Variants in CLN3 observed in about 807,000 individuals in gnomAD.
CLN3 encodes the protein battenin.
Under a neutral mutation model 60.7 loss-of-function variants are expected in CLN3, and 49 were observed. That is an observed-to-expected ratio of 0.81 (90% confidence interval 0.64 to 1.02). The LOEUF is 1.02. Among genes scored for constraint, CLN3 ranks in the 50% least tolerant of loss-of-function variants. CLN3 has a pLI of 0.00. For missense variants in CLN3, 516 were observed against 557.4 expected (o/e 0.93, Z 0.75); for synonymous variants, 256 against 245.8 (o/e 1.04, Z -0.39).
rs1596618829 is a variant in CLN3, at chr16:28,477,354, GC to G, written c.*161del. On this transcript the variant is annotated 3_prime_UTR_variant, in exon 16 of 16. Coordinates refer to ENST00000636147, the MANE Select transcript of CLN3 (RefSeq NM_001042432.2). ...CTCCCCAAGTGGGAGACAATGGCTG[GC>G]CCCCCTGCAAGGGAAACAAGGCTTC... 12 of 878,606 alleles carry G rather than the reference GC, an allele frequency of 1.4e-5. No homozygotes were observed. The highest frequency in any genetic ancestry group is 3.4e-4 in the Middle Eastern group (1 of 2,974). The allele number at this position is 878,606 out of a possible 1,614,324, so 54.4% of individuals were successfully genotyped here. A position where few individuals can be genotyped will look rare whatever the true frequency, so the allele number is the denominator to read the frequency against.
chr16:28,482,238 G>A (rs1319116193), intron 13 of CLN3, 40 bp from the exon 14 acceptor site: 1 of 1,600,922 alleles, frequency 6.2e-7, no homozygotes, highest in Admixed American at 1.7e-5. Flanking sequence ...GGCTCCTCCA[G>A]GGACCATCCC....
chr16:28,478,950 G>C (rs995876578), intron 14 of CLN3, among the ~76,000 whole-genome samples: 2 of 152,126 alleles, frequency 1.3e-5, no homozygotes, highest in African/African-American at 4.8e-5. Context: ...AGCTGGGCTC[G>C]AACTCCTGGT....
chr16:28,491,341 G>A, intron 3 of CLN3, 141 bp downstream of exon 3: 1 of 1,213,784 alleles, frequency 8.2e-7, no homozygotes, highest in Non-Finnish European at 1.2e-6. Flanking sequence ...TTTACATGCT[G>A]CCCCTGGGGC....
downstream of CLN3, among the ~76,000 whole-genome samples, chr16:28,471,836 A>G (rs1469415697): frequency 8.6e-5 from 13 of 151,554 alleles, no homozygotes; most frequent in African/African-American, 3.2e-4. Flanking sequence ...TGAGGGGGAG[A>G]AAACCAAGTT....
chr16:28,480,334 G>A (rs1157248316), intron 14 of CLN3, among the ~76,000 whole-genome samples: 1 of 151,908 alleles, frequency 6.6e-6, no homozygotes, highest in Non-Finnish European at 1.5e-5. Flanking sequence ...GATTACAGGT[G>A]TGAGCCACAA....
chr16:28,470,916 T>C (rs2045946405), downstream of CLN3, among the ~76,000 whole-genome samples: 1 of 109,432 alleles, frequency 9.1e-6, no homozygotes, highest in Non-Finnish European at 1.9e-5. Context: ...GTCTGGGCCC[T>C]CCCTTAGCAA....
In CLN3 at chr16:28,477,355, C is replaced by T. The variant is rs1596618820; in HGVS notation, c.*161G>A. ...TCCCCAAGTGGGAGACAATGGCTGG[C>T]CCCCCTGCAAGGGAAACAAGGCTTC... On this transcript the variant is annotated 3_prime_UTR_variant, in exon 16 of 16. Coordinates refer to ENST00000636147, the MANE Select transcript of CLN3 (RefSeq NM_001042432.2). 2.2e-6 allele frequency: 2 copies of T among 894,900 alleles called. No individual in the cohort carries two copies. The highest frequency in any genetic ancestry group is 3.5e-6 in the Non-Finnish European group (2 of 569,724). The allele number at this position is 894,900 out of a possible 1,614,324, so 55.4% of individuals were successfully genotyped here.
chr16:28,481,417 AACAC>A (rs767753225), intron 14 of CLN3, among the ~76,000 whole-genome samples: 3,328 of 129,602 alleles, frequency 0.026, 102 homozygotes, highest in East Asian at 0.14. Context: ...CAATGCTTAA[AACAC>A]ACACACACAC....
chr16:28,468,789 A>G, the CLN3 span, among the ~76,000 whole-genome samples: 1 of 102,918 alleles, frequency 9.7e-6, no homozygotes, highest in African/African-American at 3.2e-5. Flanking sequence ...CCTGGGTGAC[A>G]GAGTGAGACT....
chr16:28,487,707 A>C lies in CLN3; in HGVS notation c.329T>G (p.Val110Gly). 6.2e-7 allele frequency: 1 copy of C among 1,613,946 alleles called. No individual in the cohort carries two copies. The highest frequency in any genetic ancestry group is 8.5e-7 in the Non-Finnish European group (1 of 1,179,948). Residue 110 changes from valine (V) to glycine (G), a missense_variant, in exon 6 of 16, where the codon GTC (valine) becomes GGC (glycine). Physicochemically the swap from Val to Gly is moderately radical, Grantham distance 109 (BLOSUM62 -3). Coordinates refer to ENST00000636147, the MANE Select transcript of CLN3 (RefSeq NM_001042432.2). ...GCCAAGAGGAGCCAACAATTTGATG[A>C]CGAGTGTGGGGAGGATGTCCGCCAG... ...VLLADILPTL[V>G]IKLLAPLGLH... is the part of the protein sequence containing the mutation.
At position 28,489,337 on chromosome 16, in the gene CLN3, C is replaced by T. The variant is rs765893479; in HGVS notation, c.175G>A (p.Ala59Thr). 43 of 1,613,226 alleles carry T rather than the reference C, an allele frequency of 2.7e-5. No individual in the cohort carries two copies. The highest frequency in any genetic ancestry group is 4.0e-5 in the African/African-American group (3 of 74,852). Residue 59 changes from alanine (A) to threonine (T), a missense_variant, in exon 4 of 16, where the codon GCC (alanine) becomes ACC (threonine). Ala to Thr is a moderately conservative substitution (Grantham distance 58). Transcript: ENST00000636147. ...NFSYVVMLSA[A>T]HDILSHKRTS... ...CTCTTGTGGCTAAGGATGTCGTGGG[C>T]GGCACTCAGCATCACCACATAAGAG...
chr16:28,482,026 G>A, intron 14 of CLN3, 79 bp downstream of exon 14: 1 of 1,062,222 alleles, frequency 9.4e-7, no homozygotes, highest in East Asian at 2.4e-5. Flanking sequence ...ACTGATAGTG[G>A]GAAGCAGGGG....
At chr16:28,484,337 T>C (rs1196952979) in intron 9 of CLN3, 8 of 563,084 alleles carry the variant, frequency 1.4e-5, no homozygotes, top group Admixed American at 9.1e-5. Context: ...TTCCTATTCA[T>C]GGGCCTTCAT....
intron 7 of CLN3, chr16:28,486,862 CA>C (rs2046228709): frequency 3.2e-6 from 2 of 631,536 alleles, no homozygotes; most frequent in East Asian, 5.6e-5. Context: ...GTTATCAGAC[CA>C]GGGGCAGACA....
At chr16:28,481,855 C>T (rs1343729043) in intron 14 of CLN3, among the ~76,000 whole-genome samples, 3 of 151,972 alleles carry the variant, frequency 2.0e-5, no homozygotes, top group Non-Finnish European at 4.4e-5. Flanking sequence ...GGTATGGTGG[C>T]GGGCGCCTGT....
intron 9 of CLN3, 101 bp downstream of exon 9, chr16:28,486,246 C>G: frequency 6.7e-7 from 1 of 1,499,470 alleles, no homozygotes; most frequent in Non-Finnish European, 9.2e-7. Context: ...CCCTCCTTGG[C>G]CTCCCAAAGT....
chr16:28,467,850 T>A, the CLN3 span, among the ~76,000 whole-genome samples: 3 of 119,844 alleles, frequency 2.5e-5, no homozygotes, highest in Non-Finnish European at 3.6e-5. Flanking sequence ...AGTGCTGGGA[T>A]TACAGGCATG....
At position 28,488,336 on chromosome 16, in the gene CLN3, A is replaced by T. The variant is rs187449950; in HGVS notation, c.294+255T>A. The T allele has an allele frequency of 1.9e-3, 395 of 202,972 alleles. 2 individuals carry two copies. Among genetic ancestry groups the T allele is most frequent in the Non-Finnish European group, 2.2e-3 (232 of 104,142 alleles). 12.6% of individuals were successfully genotyped at this position (202,972 alleles called of 1,614,324 possible). ...AAGGTCTCAATTATTTTATATATATATATTTTTTAATTTTTTTCTTTAAGA... is the reference window on the plus strand; with the variant it reads ...AAGGTCTCAATTATTTTATATATATTTATTTTTTAATTTTTTTCTTTAAGA... On this transcript the variant is annotated intron_variant, in intron 5 of 15. Coordinates refer to ENST00000636147, the MANE Select transcript of CLN3 (RefSeq NM_001042432.2).
chr16:28,482,681 G>A lies in CLN3; in HGVS notation c.791-9C>T, dbSNP rs771178755. 1.1e-5 allele frequency: 17 copies of A among 1,614,174 alleles called. No homozygotes were observed. The highest frequency in any genetic ancestry group is 1.4e-5 in the Non-Finnish European group (16 of 1,180,022). ...GAGGCTGGAGCTGGAGCCTGCAGGG[G>A]AACAGAGAGAGAAGGGCAGATGAAG... On this transcript the variant is annotated splice_polypyrimidine_tract_variant and intron_variant, in intron 10 of 15. Transcript: ENST00000636147.
Sources: allele counts gnomAD v4.1 joint callset (sites outside exome capture counted in the v4.1 genomes callset), GRCh38; gene constraint gnomAD v4.1.1; transcripts MANE v1.5; gene names NCBI Gene and HGNC (gene_info 2026-07-23, HGNC 2026-07-21).